The following DNAH9 variants were observed in gnomAD, a reference collection of about 807,000 sequenced individuals.
DNAH9 encodes DNAH9 variant protein.
A neutral mutation model predicts 471.6 loss-of-function variants in DNAH9; 345 were observed. The observed-to-expected ratio is 0.73, with a 90% CI of 0.67 to 0.80. The LOEUF is 0.80. DNAH9 is among the 30% of genes least tolerant of loss of function. The pLI is 0.00. For synonymous variants in DNAH9, 2,093 were observed against 2,123.6 expected (o/e 0.99, Z 0.40); for missense variants, 5,407 against 5,609.2 (o/e 0.96, Z 1.15).
intron 34 of DNAH9, 125 bp downstream of exon 34, chr17:11,756,801 T>G: frequency 1.2e-5 from 8 of 667,430 alleles, no homozygotes; most frequent in South Asian, 1.1e-4. Context: ...ACGTGCAGTT[T>G]TGTGAATTTG....
chr17:11,816,009 C>T (rs1473709126), intron 45 of DNAH9, among the ~76,000 whole-genome samples: 1 of 152,066 alleles, frequency 6.6e-6, no homozygotes, highest in Non-Finnish European at 1.5e-5. Flanking sequence ...TTTTGAACCT[C>T]ATGCCCTTCT....
At chr17:11,618,296 A>C (rs913129575) in intron 5 of DNAH9, among the ~76,000 whole-genome samples, 2 of 152,202 alleles carry the variant, frequency 1.3e-5, no homozygotes, top group Non-Finnish European at 2.9e-5. Flanking sequence ...ATCTTAAGAA[A>C]GAACTAGAGG....
At chr17:11,879,138 T>G (rs1367421148) in intron 53 of DNAH9, among the ~76,000 whole-genome samples, 1 of 152,098 alleles carries the variant, frequency 6.6e-6, no homozygotes, top group Non-Finnish European at 1.5e-5. Flanking sequence ...ACATTTATTG[T>G]GGTGTTTCCC....
At chr17:11,716,025 C>T (rs80347088) in intron 26 of DNAH9, among the ~76,000 whole-genome samples, 3,789 of 151,624 alleles carry the variant, frequency 0.025, 155 homozygotes, top group African/African-American at 0.086. Flanking sequence ...GTGGCCCAGG[C>T]GTCATGGCAG....
intron 26 of DNAH9, among the ~76,000 whole-genome samples, chr17:11,707,058 A>G (rs1369058951): frequency 6.6e-5 from 10 of 152,240 alleles, no homozygotes; most frequent in Admixed American, 5.9e-4. Context: ...GGTAAAGGAC[A>G]GTGAGGGCAG....
chr17:11,758,548 A>G (rs1314845456), intron 35 of DNAH9, among the ~76,000 whole-genome samples: 1 of 152,174 alleles, frequency 6.6e-6, no homozygotes, highest in Non-Finnish European at 1.5e-5. Context: ...AAAGTCCATC[A>G]TTGAAGTTGA....
intron 52 of DNAH9, among the ~76,000 whole-genome samples, chr17:11,872,737 A>G (rs59645739): frequency 0.48 from 72,242 of 151,792 alleles, 17,571 homozygotes; most frequent in Non-Finnish European, 0.53. Context: ...TGGCTAACAC[A>G]GTGAAACCAC....
chr17:11,862,252 C>T (rs1597749912), intron 50 of DNAH9, among the ~76,000 whole-genome samples: 1 of 127,558 alleles, frequency 7.8e-6, no homozygotes, highest in African/African-American at 2.9e-5. Context: ...AGCCAGTTTT[C>T]CCAGCACCAT....
intron 67 of DNAH9, chr17:11,954,064 A>G (rs879344609): frequency 1.3e-5 from 2 of 152,160 alleles, no homozygotes; most frequent in Non-Finnish European, 2.9e-5. Flanking sequence ...TAGAATAATG[A>G]AAAAACCAAA....
At chr17:11,636,285 T>C (rs187792976) in intron 8 of DNAH9, among the ~76,000 whole-genome samples, 2 of 152,202 alleles carry the variant, frequency 1.3e-5, no homozygotes, top group African/African-American at 4.8e-5. Flanking sequence ...ATTACAGGCA[T>C]GAGCCACCGC....
At chr17:11,836,130 C>T (rs1401070468) in intron 49 of DNAH9, among the ~76,000 whole-genome samples, 1 of 152,172 alleles carries the variant, frequency 6.6e-6, no homozygotes, top group Non-Finnish European at 1.5e-5. Context: ...GTGGGATGCA[C>T]CAGTAATCCT....
chr17:11,937,503 G>T lies in DNAH9; in HGVS notation c.12641G>T (p.Gly4214Val). The change falls in exon 66 of 69, where the codon GGC (glycine) becomes GTC (valine). Residue 4214 changes from glycine (G) to valine (V), a missense_variant. Transcript: ENST00000262442. This position sits in a 1 kb window ranked among gnomAD's most constrained non-coding sequence, Gnocchi z 4.1. ...GACAGCCAGGCCAGAGACGGAGCGG[G>T]CGCCACAAGAGAAGAAAAGGTGTGT... is the stretch of plus-strand genomic sequence containing the variant. ...PRDSQARDGA[G>V]ATREEKVKAL... 5 of 1,612,812 alleles carry T rather than the reference G, an allele frequency of 3.1e-6. No homozygotes were observed. Among genetic ancestry groups the T allele is most frequent in the Non-Finnish European group, 4.2e-6 (5 of 1,179,160 alleles).
At position 11,962,310 on chromosome 17, in the gene DNAH9, A is replaced by C; in HGVS notation, c.13233+54A>C. 6.6e-7 allele frequency: 1 copy of C among 1,517,016 alleles called. No individual in the cohort carries two copies. The highest frequency in any genetic ancestry group is 8.8e-7 in the Non-Finnish European group (1 of 1,138,614). 94.0% of individuals were successfully genotyped at this position (1,517,016 alleles called of 1,614,324 possible). A position where few individuals can be genotyped will look rare whatever the true frequency, so the allele number is the denominator to read the frequency against. ...CTTTCTGGGGGCTGATTAAATACAC[A>C]TTGCTTCCTATGAAGTGTGACTACT... On this transcript the variant is annotated intron_variant, in intron 68 of 68. Coordinates refer to ENST00000262442, the MANE Select transcript of DNAH9 (RefSeq NM_001372.4). This position sits in a 1 kb window ranked among gnomAD's most constrained non-coding sequence, Gnocchi z 4.1.
chr17:11,757,504 T>G, intron 34 of DNAH9, 41 bp from the exon 35 acceptor site: 1 of 1,545,984 alleles, frequency 6.5e-7, no homozygotes, highest in Non-Finnish European at 8.9e-7. Context: ...TATAATGATG[T>G]ATATGGAATA....
At chr17:11,622,185 A>G (rs536184885) in intron 6 of DNAH9, among the ~76,000 whole-genome samples, 1 of 152,290 alleles carries the variant, frequency 6.6e-6, no homozygotes, top group African/African-American at 2.4e-5. Flanking sequence ...ACAAGAGAAA[A>G]TCAGTTGTGA....
chr17:11,956,653 A>G (rs1400088852), intron 67 of DNAH9, among the ~76,000 whole-genome samples: 2 of 152,146 alleles, frequency 1.3e-5, no homozygotes, highest in East Asian at 3.8e-4. Flanking sequence ...CTAAAAATCA[A>G]TAACAGAAAG....
chr17:11,924,005 G>A, intron 62 of DNAH9, 64 bp downstream of exon 62: 1 of 1,576,304 alleles, frequency 6.3e-7, no homozygotes, highest in Non-Finnish European at 8.6e-7. Context: ...ACACTCACTG[G>A]GCATCTCCAT....
intron 56 of DNAH9, chr17:11,884,583 A>T (rs1266368964): frequency 2.2e-6 from 1 of 456,076 alleles, no homozygotes; most frequent in Non-Finnish European, 4.4e-6. Flanking sequence ...AGGTAGAGAC[A>T]AGGTAGGAAA....
At chr17:11,651,432 A>G (rs183292950) in intron 13 of DNAH9, 108 bp downstream of exon 13, 5 of 1,189,258 alleles carry the variant, frequency 4.2e-6, no homozygotes, top group East Asian at 2.4e-5. Context: ...GGGTTGAAAC[A>G]TAAGTCTGTC....
Sources: gnomAD v4.1 joint callset for allele counts (sites outside exome capture counted in the v4.1 genomes callset) on GRCh38, gnomAD v4.1.1 for gene constraint, Gnocchi (gnomAD v3.1) non-coding constraint, MANE v1.5 for transcripts, NCBI Gene and HGNC (gene_info 2026-07-23, HGNC 2026-07-21) for gene names.